The following ACTR3C variants were observed in gnomAD, a reference collection of about 807,000 sequenced individuals.
ACTR3C encodes the protein actin related protein 3C.
Under a neutral mutation model 26.3 loss-of-function variants are expected in ACTR3C, and 18 were observed. That is an observed-to-expected ratio of 0.68 (90% CI 0.47 to 1.01). The LOEUF (loss-of-function observed/expected upper bound fraction) is 1.01. ACTR3C is among the 50% of genes least tolerant of loss of function. The pLI, the probability that ACTR3C is intolerant of heterozygous loss-of-function variation, is 0.00. For synonymous variants in ACTR3C, 55 were observed against 94.5 expected (o/e 0.58, Z 2.42); for missense variants, 184 against 250.7 (o/e 0.73, Z 1.80).
chr7:149,899,842 C>A, the ACTR3C span, among the ~76,000 whole-genome samples: 2 of 131,340 alleles, frequency 1.5e-5, no homozygotes, highest in Non-Finnish European at 3.3e-5. Flanking sequence ...CGAAACAAAA[C>A]AAAACAAAAA....
At chr7:150,116,008 T>C in the ACTR3C span, among the ~76,000 whole-genome samples, 6 of 152,160 alleles carry the variant, frequency 3.9e-5, no homozygotes, top group Non-Finnish European at 7.3e-5. Context: ...AAGGGAAAAG[T>C]GTCATAGAAG....
chr7:150,043,682 C>T, the ACTR3C span, among the ~76,000 whole-genome samples: 5,313 of 152,176 alleles, frequency 0.035, 308 homozygotes, highest in African/African-American at 0.12. Flanking sequence ...AAGCACTGGT[C>T]CTATTGGTGA....
chr7:150,104,246 T>C, the ACTR3C span, among the ~76,000 whole-genome samples: 1 of 151,534 alleles, frequency 6.6e-6, no homozygotes, highest in Non-Finnish European at 1.5e-5. Flanking sequence ...AGAGGAGGTT[T>C]TCCTGAGGAA....
chr7:150,010,320 T>C, the ACTR3C span, among the ~76,000 whole-genome samples: 2 of 152,236 alleles, frequency 1.3e-5, no homozygotes, highest in African/African-American at 4.8e-5. Context: ...TCCCACTCAC[T>C]GGTCTCCCTG....
downstream of ACTR3C, among the ~76,000 whole-genome samples, chr7:150,239,561 T>A (rs1554447211): frequency 3.6e-5 from 5 of 137,718 alleles, no homozygotes; most frequent in South Asian, 2.2e-4. Context: ...TATATATATA[T>A]AATTTATTAT....
chr7:150,313,078 C>T, intron 1 of ACTR3C, among the ~76,000 whole-genome samples: 1 of 152,178 alleles, frequency 6.6e-6, no homozygotes, highest in Non-Finnish European at 1.5e-5. Flanking sequence ...CCACCATGCA[C>T]CCCGTAACCC....
At chr7:149,946,851 C>T in the ACTR3C span, among the ~76,000 whole-genome samples, 3 of 152,192 alleles carry the variant, frequency 2.0e-5, no homozygotes, top group South Asian at 4.1e-4. Context: ...TAGTTTCAAG[C>T]GATGCTGGGG....
chr7:149,922,970 CTT>C, the ACTR3C span, among the ~76,000 whole-genome samples: 185 of 69,152 alleles, frequency 2.7e-3, no homozygotes, highest in East Asian at 5.8e-3. Flanking sequence ...AAATAAAAGG[CTT>C]TTTTTTTTTT....
At chr7:150,257,732 G>A (rs1029723457) in intron 6 of ACTR3C, among the ~76,000 whole-genome samples, 3 of 152,220 alleles carry the variant, frequency 2.0e-5, no homozygotes, top group Non-Finnish European at 4.4e-5. Flanking sequence ...ATATGCTGAA[G>A]GAAGCAGAGA....
intron 3 of ACTR3C, among the ~76,000 whole-genome samples, chr7:150,292,166 T>C (rs1836318507): frequency 1.3e-5 from 2 of 150,436 alleles, no homozygotes; most frequent in Admixed American, 6.6e-5. Flanking sequence ...TATGTAAATA[T>C]ATACACAAAC....
the ACTR3C span, among the ~76,000 whole-genome samples, chr7:149,900,187 TG>T: frequency 2.0e-5 from 3 of 151,760 alleles, no homozygotes; most frequent in Non-Finnish European, 2.9e-5. Context: ...TTTTTTGGTT[TG>T]TTTTTGAGAT....
the ACTR3C span, among the ~76,000 whole-genome samples, chr7:150,025,854 G>A: frequency 6.6e-6 from 1 of 151,736 alleles, no homozygotes; most frequent in Non-Finnish European, 1.5e-5. Flanking sequence ...TACTATGTCT[G>A]AAGGATAAAG....
At chr7:149,883,877 C>T in the ACTR3C span, among the ~76,000 whole-genome samples, 1 of 152,206 alleles carries the variant, frequency 6.6e-6, no homozygotes, top group Non-Finnish European at 1.5e-5. Context: ...CACTCTGATC[C>T]CAGGCTTCCC....
At chr7:149,914,709 CA>C in the ACTR3C span, among the ~76,000 whole-genome samples, 1 of 148,342 alleles carries the variant, frequency 6.7e-6, no homozygotes, top group East Asian at 2.0e-4. Flanking sequence ...AATCTCAAAC[CA>C]AAATAAAATG....
the ACTR3C span, among the ~76,000 whole-genome samples, chr7:149,884,247 G>T: frequency 2.6e-5 from 4 of 152,314 alleles, no homozygotes; most frequent in South Asian, 8.3e-4. Flanking sequence ...CCACAGTTTT[G>T]CTTGACTTGT....
At chr7:150,140,013 CAT>C in the ACTR3C span, among the ~76,000 whole-genome samples, 1 of 152,056 alleles carries the variant, frequency 6.6e-6, no homozygotes, top group Non-Finnish European at 1.5e-5. Context: ...TTCACACACA[CAT>C]GCACACACAC....
chr7:150,231,678 G>T, the ACTR3C span, among the ~76,000 whole-genome samples: 1 of 151,606 alleles, frequency 6.6e-6, no homozygotes, highest in Non-Finnish European at 1.5e-5. Flanking sequence ...GGATTGTCTA[G>T]CTACTTTTCT....
the ACTR3C span, among the ~76,000 whole-genome samples, chr7:150,203,576 G>GT: frequency 1.9e-4 from 29 of 151,186 alleles, no homozygotes; most frequent in South Asian, 1.3e-3. Context: ...TGTTTTTTTT[G>GT]TTTTTTTACA....
chr7:150,240,971 C>A (rs896638760), downstream of ACTR3C, among the ~76,000 whole-genome samples: 2 of 152,006 alleles, frequency 1.3e-5, no homozygotes, highest in African/African-American at 2.4e-5. Flanking sequence ...TAGCATAAAA[C>A]TATTAGTAAT....
Sources: gnomAD v4.1 joint callset for allele counts (sites outside exome capture counted in the v4.1 genomes callset) on GRCh38, gnomAD v4.1.1 for gene constraint, MANE v1.5 for transcripts, NCBI Gene and HGNC (gene_info 2026-07-23, HGNC 2026-07-21) for gene names.